Variants in RHBDD1 observed in about 807,000 individuals in gnomAD.
The protein encoded by RHBDD1 is rhomboid domain containing 1.
Under a neutral mutation model 36.3 loss-of-function variants are expected in RHBDD1, and 38 were observed. That is an observed-to-expected ratio of 1.05 (90% CI 0.81 to 1.37). The LOEUF (loss-of-function observed/expected upper bound fraction) is 1.37, where lower values mean the gene tolerates loss of function less well. RHBDD1 is among the 40% of genes most tolerant of loss of function. The probability of loss-of-function intolerance (pLI) is 0.00; values close to 1 mark genes in which losing one functional copy is unlikely to be tolerated. For synonymous variants in RHBDD1, 151 were observed against 136.5 expected, an observed-to-expected ratio of 1.11 and a Z score of -0.74; for missense variants, 393 against 377.6, an observed-to-expected ratio of 1.04 and a Z score of -0.34.
chr2:226,831,698 T>C (rs932525545), upstream of RHBDD1, among the ~76,000 whole-genome samples: 90 of 151,682 alleles, frequency 5.9e-4, no homozygotes, highest in Middle Eastern at 0.017. Flanking sequence ...CCACCTAGTT[T>C]ATAATACTTT....
chr2:226,842,635 ATCTG>A (rs1209682309), intron 3 of RHBDD1, among the ~76,000 whole-genome samples: 1 of 152,042 alleles, frequency 6.6e-6, no homozygotes, highest in African/African-American at 2.4e-5. Flanking sequence ...ATTTTGTTCC[ATCTG>A]TCTATGTATC....
intron 8 of RHBDD1, among the ~76,000 whole-genome samples, chr2:226,973,794 G>A (rs1049512767): frequency 8.5e-5 from 13 of 152,200 alleles, no homozygotes; most frequent in Non-Finnish European, 1.2e-4. Context: ...GAAGTAGGTC[G>A]TATCTTTCTT....
intron 5 of RHBDD1, among the ~76,000 whole-genome samples, chr2:226,904,720 A>G (rs933308782): frequency 2.0e-5 from 3 of 152,168 alleles, no homozygotes; most frequent in African/African-American, 7.2e-5. Flanking sequence ...GAGTCTTTTC[A>G]TAGCTTGGAG....
Position 226,995,688 on chromosome 2 carries a change from A to C in RHBDD1, c.*166A>C, listed in dbSNP as rs1369237321. On this transcript the variant is annotated 3_prime_UTR_variant, in exon 9 of 9. Coordinates refer to ENST00000392062, the MANE Select transcript of RHBDD1 (RefSeq NM_001167608.3). ...GACAGTCCCATGGCCCCTATGAGTC[A>C]ACTCACAGCTTGCGGGGAGTGGGCC... The C allele has an allele frequency of 1.6e-6, 1 of 612,710 alleles. No homozygotes were observed. Among genetic ancestry groups the C allele is most frequent in the Admixed American group, 3.0e-5 (1 of 33,426 alleles). 38.0% of individuals were successfully genotyped at this position (612,710 alleles called of 1,614,324 possible).
At chr2:226,944,910 T>C (rs1950874058) in intron 8 of RHBDD1, among the ~76,000 whole-genome samples, 1 of 152,046 alleles carries the variant, frequency 6.6e-6, no homozygotes, top group Non-Finnish European at 1.5e-5. Context: ...AGGATTTTCA[T>C]AGAGGAGCGA....
chr2:226,892,701 A>G (rs948440535), intron 5 of RHBDD1, among the ~76,000 whole-genome samples: 1 of 152,156 alleles, frequency 6.6e-6, no homozygotes, highest in African/African-American at 2.4e-5. Context: ...CTACTCTCGA[A>G]ATGTTTTTCT....
chr2:226,948,491 G>A (rs1433798535), intron 8 of RHBDD1, among the ~76,000 whole-genome samples: 8 of 139,166 alleles, frequency 5.7e-5, no homozygotes, highest in East Asian at 2.2e-4. Context: ...TGGGTGCAGC[G>A]CACCAGCATG....
At chr2:226,895,012 G>C (rs748595136) in intron 5 of RHBDD1, among the ~76,000 whole-genome samples, 1 of 152,176 alleles carries the variant, frequency 6.6e-6, no homozygotes, top group African/African-American at 2.4e-5. Context: ...TAGAGCCCAG[G>C]GTGTGGTAGG....
chr2:226,919,385 T>C (rs1442852301), intron 8 of RHBDD1, among the ~76,000 whole-genome samples: 2 of 152,032 alleles, frequency 1.3e-5, no homozygotes, highest in Non-Finnish European at 2.9e-5. Flanking sequence ...TATTACTCAA[T>C]AAATCTTTGC....
intron 8 of RHBDD1, among the ~76,000 whole-genome samples, chr2:226,945,557 C>T (rs919836503): frequency 9.2e-5 from 14 of 152,228 alleles, no homozygotes; most frequent in African/African-American, 3.4e-4. Flanking sequence ...TCCAGCCTAT[C>T]GTTGATGGGC....
chr2:226,945,131 A>T (rs1950887688), intron 8 of RHBDD1, among the ~76,000 whole-genome samples: 1 of 146,256 alleles, frequency 6.8e-6, no homozygotes, highest in Non-Finnish European at 1.5e-5. Context: ...GACAGTGGAA[A>T]CAAGATCAAA....
chr2:226,832,014 CTTAT>C, upstream of RHBDD1, among the ~76,000 whole-genome samples: 1 of 148,306 alleles, frequency 6.7e-6, no homozygotes, highest in African/African-American at 2.5e-5. Flanking sequence ...ATTTTTGTTA[CTTAT>C]TTTATTGATT....
intron 8 of RHBDD1, among the ~76,000 whole-genome samples, chr2:226,941,779 C>T (rs770755225): frequency 2.6e-5 from 4 of 152,128 alleles, no homozygotes; most frequent in Non-Finnish European, 4.4e-5. Context: ...GGGTTATATC[C>T]ATGCACATAC....
At chr2:226,803,333 T>TGTGAGA in the RHBDD1 span, among the ~76,000 whole-genome samples, 5 of 147,666 alleles carry the variant, frequency 3.4e-5, no homozygotes, top group African/African-American at 1.3e-4. Context: ...TGTGTGTGTG[T>TGTGAGA]GAGAGAGAGA....
intron 5 of RHBDD1, among the ~76,000 whole-genome samples, chr2:226,893,973 G>A (rs1946886258): frequency 6.6e-6 from 1 of 152,058 alleles, no homozygotes; most frequent in Non-Finnish European, 1.5e-5. Context: ...GGGGGGACAT[G>A]GATTTAACAT....
the RHBDD1 span, among the ~76,000 whole-genome samples, chr2:226,818,555 A>T: frequency 6.8e-6 from 1 of 146,672 alleles, no homozygotes; most frequent in African/African-American, 2.5e-5. Flanking sequence ...AAATCAGATG[A>T]CCTGGCCGGG....
intron 8 of RHBDD1, among the ~76,000 whole-genome samples, chr2:226,934,532 A>G (rs549495281): frequency 6.6e-6 from 1 of 152,136 alleles, no homozygotes; most frequent in South Asian, 2.1e-4. Context: ...TCATAATAGT[A>G]CCTGGCCATA....
intron 5 of RHBDD1, among the ~76,000 whole-genome samples, chr2:226,877,807 C>A (rs1026629914): frequency 4.6e-5 from 7 of 151,932 alleles, no homozygotes; most frequent in African/African-American, 1.7e-4. Flanking sequence ...GGAATTTTAC[C>A]GCTTTGTCAA....
rs537492190 is a variant in RHBDD1, at chr2:226,941,097, C to G, written c.856+26746C>G. Among the ~76,000 whole-genome samples, 5 of 152,204 alleles carry G rather than the reference C, an allele frequency of 3.3e-5. No homozygotes were observed. The South Asian group carries it at 1.0e-3, about 32-fold the overall frequency. On this transcript the variant is annotated intron_variant, in intron 8 of 8. Coordinates refer to ENST00000392062, the MANE Select transcript of RHBDD1 (RefSeq NM_001167608.3). ...TAGTAGCTGGGATTACAGGCATGCA[C>G]CACCATGCCCAGCAAAGCTTTTTTG... is the stretch of plus-strand genomic sequence containing the variant.
Sources: gnomAD v4.1 joint callset for allele counts (sites outside exome capture counted in the v4.1 genomes callset) on GRCh38, gnomAD v4.1.1 for gene constraint, MANE v1.5 for transcripts, NCBI Gene and HGNC (gene_info 2026-07-23, HGNC 2026-07-21) for gene names.